SLC2A9: variants seen among roughly 807,000 people sequenced by gnomAD.
SLC2A9 encodes solute carrier family 2, facilitated glucose transporter member 9.
Under a neutral mutation model 50.6 loss-of-function variants are expected in SLC2A9, and 39 were observed. That is an observed-to-expected ratio of 0.77 (90% CI 0.60 to 1.01). The LOEUF (loss-of-function observed/expected upper bound fraction) is 1.01, where lower values mean the gene tolerates loss of function less well. Ranked by LOEUF, SLC2A9 falls within the 50% of genes least tolerant of loss-of-function variation. SLC2A9 has a pLI of 0.00. For missense variants in SLC2A9, 686 were observed against 677.6 expected (o/e 1.01, Z -0.14); for synonymous variants, 324 against 276.9 (o/e 1.17, Z -1.69).
intron 3 of SLC2A9, chr4:9,783,266 A>C (rs770297239): frequency 1.9e-6 from 3 of 1,614,138 alleles, no homozygotes. Flanking sequence ...CTACATCCAC[A>C]TGATGCCCAA....
intron 3 of SLC2A9, among the ~76,000 whole-genome samples, chr4:9,784,916 A>C (rs1381028536): frequency 3.3e-5 from 5 of 152,202 alleles, no homozygotes; most frequent in Non-Finnish European, 5.9e-5. Context: ...ATCACTGCAA[A>C]ATGTGCAGTT....
In SLC2A9 at chr4:9,826,503, G is replaced by T. The variant is rs777739031; in HGVS notation, c.1517C>A (p.Thr506Asn). The change falls in exon 12 of 12, where the codon ACC becomes AAC. Residue 506 changes from threonine (T) to asparagine (N), a missense_variant. Physicochemically the swap from Thr to Asn is moderately conservative, Grantham distance 65 (BLOSUM62 0). Transcript: ENST00000264784. ...AAATGCCTGGCTGATTTCTGCATAGGTTCTGTTTTTGGTCTCAGGCAGCAC... is the reference window on the plus strand; with the variant it reads ...AAATGCCTGGCTGATTTCTGCATAGTTTCTGTTTTTGGTCTCAGGCAGCAC... Reference protein sequence around the residue: ...YFVLPETKNRTYAEISQAFSK... With the variant: ...YFVLPETKNRNYAEISQAFSK... The T allele has an allele frequency of 9.3e-6, 15 of 1,613,934 alleles. No individual in the cohort carries two copies. The highest frequency in any genetic ancestry group is 1.3e-5 in the Non-Finnish European group (15 of 1,179,988).
chr4:9,900,895 G>A (rs1739478284), intron 8 of SLC2A9, among the ~76,000 whole-genome samples: 1 of 152,058 alleles, frequency 6.6e-6, no homozygotes, highest in Non-Finnish European at 1.5e-5. Flanking sequence ...CTGCTCCTAT[G>A]ATTCAATTAC....
intron 10 of SLC2A9, among the ~76,000 whole-genome samples, chr4:9,881,090 G>C (rs1261235136): frequency 6.6e-6 from 1 of 152,224 alleles, no homozygotes; most frequent in African/African-American, 2.4e-5. Flanking sequence ...CGAGCACTTA[G>C]CTGTCATCAG....
chr4:9,908,551 TTA>T lies in SLC2A9; in HGVS notation c.1003-208_1003-207del, dbSNP rs72428331. 0.21 allele frequency among the ~76,000 whole-genome samples: 31,784 copies of T among 150,208 alleles called. 3,978 individuals carry two copies. The highest frequency in any genetic ancestry group is 0.34 in the African/African-American group (14,136 of 41,036). On this transcript the variant is annotated intron_variant, in intron 7 of 11. Transcript: ENST00000264784. Reference sequence around the variant, plus strand: ...CTTATTTTATTATTTTATTTTTTATTTATATATATATTTTATTATACTTTAAG... The same window carrying T: ...CTTATTTTATTATTTTATTTTTTATTTATATATATTTTATTATACTTTAAG...
At chr4:9,797,156 C>T (rs1394731222), downstream of SLC2A9, among the ~76,000 whole-genome samples, 1 of 152,290 alleles carries the variant, frequency 6.6e-6, no homozygotes, top group Middle Eastern at 3.4e-3. Flanking sequence ...GCTCTCTGCT[C>T]TCAAGGGTGC....
chr4:9,774,319 T>C (rs953415532), intron 1 of SLC2A9, among the ~76,000 whole-genome samples: 3 of 152,220 alleles, frequency 2.0e-5, no homozygotes, highest in African/African-American at 4.8e-5. Context: ...CTCAGTGTTT[T>C]GGAAAGCAGG....
At chr4:9,989,207 A>AT (rs1757260033) in intron 3 of SLC2A9, among the ~76,000 whole-genome samples, 1 of 152,166 alleles carries the variant, frequency 6.6e-6, no homozygotes, top group Non-Finnish European at 1.5e-5. Flanking sequence ...TATGCCTGGC[A>AT]AAACCCCAGC....
At chr4:9,795,340 C>T (rs891605599), downstream of SLC2A9, among the ~76,000 whole-genome samples, 2 of 152,164 alleles carry the variant, frequency 1.3e-5, no homozygotes, top group Non-Finnish European at 2.9e-5. Context: ...CAGACTGATG[C>T]TGTGAGGCTG....
At chr4:10,018,561 T>TGATAGAG (rs1553915023) in intron 2 of SLC2A9, among the ~76,000 whole-genome samples, 1 of 48,506 alleles carries the variant, frequency 2.1e-5, no homozygotes, top group African/African-American at 4.5e-5. Context: ...GATAGATAGA[T>TGATAGAG]AGATAGATAG....
chr4:9,960,087 G>T (rs895105240), intron 5 of SLC2A9, among the ~76,000 whole-genome samples: 1 of 27,026 alleles, frequency 3.7e-5, no homozygotes, highest in Non-Finnish European at 5.6e-5. Context: ...TGGAAAAGCC[G>T]CAAGTCAAGA....
intron 5 of SLC2A9, among the ~76,000 whole-genome samples, chr4:9,957,568 T>C (rs752097781): frequency 2.0e-5 from 3 of 152,154 alleles, no homozygotes; most frequent in Admixed American, 6.5e-5. Flanking sequence ...CAGGGGGCAA[T>C]ACACCCTATC....
chr4:9,844,297 C>G (rs1728601124), intron 10 of SLC2A9, among the ~76,000 whole-genome samples: 1 of 151,984 alleles, frequency 6.6e-6, no homozygotes, highest in South Asian at 2.1e-4. Context: ...CTCCTTCCCC[C>G]ACTCATTTTT....
At chr4:9,789,156 C>A (rs1445524285) in intron 3 of SLC2A9, among the ~76,000 whole-genome samples, 1 of 152,154 alleles carries the variant, frequency 6.6e-6, no homozygotes, top group Non-Finnish European at 1.5e-5. Context: ...AAAACCATCA[C>A]CTCTCGTTCA....
intron 3 of SLC2A9, among the ~76,000 whole-genome samples, chr4:9,785,486 G>C (rs1248446616): frequency 6.6e-6 from 1 of 152,246 alleles, no homozygotes; most frequent in African/African-American, 2.4e-5. Flanking sequence ...GTCACGACTT[G>C]AGAAACTCAA....
intron 1 of SLC2A9, among the ~76,000 whole-genome samples, chr4:10,039,679 C>T (rs1462196180): frequency 6.6e-6 from 1 of 152,294 alleles, no homozygotes; most frequent in Middle Eastern, 3.4e-3. Context: ...AAGCCCTTGT[C>T]TTCTCCAGCA....
rs747901489 is a variant in SLC2A9, at chr4:9,941,989, C to T, written c.738G>A (p.Leu246=). 7 of 1,614,088 alleles carry T rather than the reference C, an allele frequency of 4.3e-6. No homozygotes were observed. Among genetic ancestry groups the T allele is most frequent in the Admixed American group, 1.7e-5 (1 of 60,008 alleles). ...GVIVVPAVVQ[L]LSLPFLPDSP... is the part of the protein sequence containing the mutation. ...TGTCCGGGAGAAAGGGAAGGCTCAGCAGCTGGACAACGGCAGGGACCACAA... is the reference window on the plus strand; with the variant it reads ...TGTCCGGGAGAAAGGGAAGGCTCAGTAGCTGGACAACGGCAGGGACCACAA... The change falls in exon 6 of 12, where the codon CTG becomes CTA. Residue 246 remains leucine (L), a synonymous_variant. Coordinates refer to ENST00000264784, the MANE Select transcript of SLC2A9 (RefSeq NM_020041.3).
intron 7 of SLC2A9, among the ~76,000 whole-genome samples, chr4:9,909,668 T>TGTCACTTTGAGA (rs1232525529): frequency 6.6e-6 from 1 of 152,248 alleles, no homozygotes; most frequent in Admixed American, 6.5e-5. Context: ...CACTCTTCAG[T>TGTCACTTTGAGA]ATTCACTTTG....
intron 11 of SLC2A9, among the ~76,000 whole-genome samples, chr4:9,828,491 T>C (rs546296468): frequency 9.8e-5 from 15 of 152,330 alleles, no homozygotes; most frequent in Admixed American, 9.2e-4. Flanking sequence ...GTCCTCACCA[T>C]GGCCTCCAAG....
Sources: gnomAD v4.1 joint callset for allele counts (sites outside exome capture counted in the v4.1 genomes callset) on GRCh38, gnomAD v4.1.1 for gene constraint, MANE v1.5 for transcripts, NCBI Gene and HGNC (gene_info 2026-07-23, HGNC 2026-07-21) for gene names.